The following BROX variants were observed in gnomAD, a reference collection of about 807,000 sequenced individuals.
The protein encoded by BROX is BRO1 domain-containing protein BROX.
Under a neutral mutation model 61.0 loss-of-function variants are expected in BROX, and 53 were observed. The ratio of observed to expected loss-of-function variants is 0.87; its 90% CI spans 0.70 to 1.09. The LOEUF is 1.09. Ranked by LOEUF, BROX falls within the 50% of genes least tolerant of loss-of-function variation. BROX has a pLI of 0.00. For synonymous variants in BROX, 152 were observed against 160.2 expected (o/e 0.95, Z 0.38); for missense variants, 489 against 472.0 (o/e 1.04, Z -0.33).
At position 222,732,921 on chromosome 1, in the gene BROX, C is replaced by A. The variant is rs898776376; in HGVS notation, c.*207C>A. Reference sequence around the variant, plus strand: ...TTCAGACTCTCCTTTTTAATCAGGACAACATTTGAAAGATTTTATTGTGCC... The same window carrying A: ...TTCAGACTCTCCTTTTTAATCAGGAAAACATTTGAAAGATTTTATTGTGCC... On this transcript the variant is annotated 3_prime_UTR_variant, in exon 13 of 13. Transcript: ENST00000340934. 2.6e-5 allele frequency: 14 copies of A among 529,798 alleles called. No homozygotes were observed. The highest frequency in any genetic ancestry group is 2.0e-4 in the African/African-American group (10 of 51,122). The allele number at this position is 529,798 out of a possible 1,614,324, so 32.8% of individuals were successfully genotyped here.
At chr1:222,729,947 A>T in intron 10 of BROX, 80 bp from the exon 11 acceptor site, 1 of 1,346,236 alleles carries the variant, frequency 7.4e-7, no homozygotes, top group African/African-American at 1.5e-5. Flanking sequence ...ATGTCTTATC[A>T]CCTCCAGTTT....
In BROX at chr1:222,712,842, G is replaced by A; in HGVS notation, c.-117G>A. 2 of 1,281,702 alleles carry A rather than the reference G, an allele frequency of 1.6e-6. No individual in the cohort carries two copies. The highest frequency in any genetic ancestry group is 2.0e-6 in the Non-Finnish European group (2 of 983,760). The allele number at this position is 1,281,702 out of a possible 1,614,324, so 79.4% of individuals were successfully genotyped here. A position where few individuals can be genotyped will look rare whatever the true frequency, so the allele number is the denominator to read the frequency against. On this transcript the variant is annotated 5_prime_UTR_variant, in exon 1 of 13. Transcript: ENST00000340934. ...CCTGGTTTTCCGTCACCCTGGTTCT[G>A]TAGTCTCGGTTCTCCGACTCCCTCT... is the stretch of plus-strand genomic sequence containing the variant.
chr1:222,721,910 G>A lies in BROX; in HGVS notation c.306-509G>A, dbSNP rs114732776. ...CTTTGATGGCATTGTTTCCTCACCT[G>A]GGATGTCCTTTTGCTTCCCTTCTAG... On this transcript the variant is annotated intron_variant, in intron 4 of 12. Coordinates refer to ENST00000340934, the MANE Select transcript of BROX (RefSeq NM_144695.4). Among the ~76,000 whole-genome samples the A allele has an allele frequency of 2.2e-3, 339 of 152,136 alleles. 2 individuals are homozygous for A. Among genetic ancestry groups the A allele is most frequent in the African/African-American group, 7.9e-3 (327 of 41,472 alleles).
At chr1:222,721,643 A>G (rs1184583246) in intron 4 of BROX, among the ~76,000 whole-genome samples, 1 of 152,204 alleles carries the variant, frequency 6.6e-6, no homozygotes, top group African/African-American at 2.4e-5. Flanking sequence ...TTTGCTTGAT[A>G]TGCTTTTGCC....
intron 4 of BROX, among the ~76,000 whole-genome samples, chr1:222,720,112 G>A (rs1240291544): frequency 1.3e-5 from 2 of 152,266 alleles, no homozygotes; most frequent in African/African-American, 4.8e-5. Context: ...TACATATTTA[G>A]ATGCAAGTCC....
chr1:222,732,776 C>A lies in BROX; in HGVS notation c.*62C>A. On this transcript the variant is annotated 3_prime_UTR_variant, in exon 13 of 13. Coordinates refer to ENST00000340934, the MANE Select transcript of BROX (RefSeq NM_144695.4). ...TAAGATAAACCACAGAATTTCAGTT[C>A]TTATTTCTCAAAATGATTTCTCTGA... 1.5e-6 allele frequency: 2 copies of A among 1,290,978 alleles called. No homozygotes were observed. Among genetic ancestry groups the A allele is most frequent in the Non-Finnish European group, 2.2e-6 (2 of 908,318 alleles). The allele number at this position is 1,290,978 out of a possible 1,614,324, so 80.0% of individuals were successfully genotyped here. A position where few individuals can be genotyped will look rare whatever the true frequency, so the allele number is the denominator to read the frequency against.
At chr1:222,715,328 TTGA>T (rs1656511616) in intron 1 of BROX, 1 of 153,060 alleles carries the variant, frequency 6.5e-6, no homozygotes, top group South Asian at 2.1e-4. Flanking sequence ...TATGTTAACA[TTGA>T]AGTTATTGTG....
chr1:222,714,310 C>T (rs1467499504), intron 1 of BROX, among the ~76,000 whole-genome samples: 1 of 146,382 alleles, frequency 6.8e-6, no homozygotes, highest in Non-Finnish European at 1.5e-5. Flanking sequence ...CTCCTGGGTT[C>T]TCCTGCCTCA....
chr1:222,722,659 T>G, intron 5 of BROX, 145 bp downstream of exon 5: 1 of 637,256 alleles, frequency 1.6e-6, no homozygotes, highest in Non-Finnish European at 2.7e-6. Context: ...GTGTCAGAAT[T>G]ATGGCACCTA....
chr1:222,718,735 CATTT>C (rs1656826335), intron 2 of BROX, among the ~76,000 whole-genome samples, 186 bp from the exon 3 acceptor site: 1 of 152,036 alleles, frequency 6.6e-6, no homozygotes, highest in African/African-American at 2.4e-5. Context: ...TGATTAAATT[CATTT>C]GTTAATCCCT....
At chr1:222,723,007 A>G (rs1476456349) in intron 5 of BROX, among the ~76,000 whole-genome samples, 1 of 152,230 alleles carries the variant, frequency 6.6e-6, no homozygotes, top group African/African-American at 2.4e-5. Flanking sequence ...TAATTATAAA[A>G]GGTGATACAA....
chr1:222,725,668 G>A (rs1657449802), intron 7 of BROX, 113 bp downstream of exon 7: 1 of 759,108 alleles, frequency 1.3e-6, no homozygotes, highest in African/African-American at 1.8e-5. Context: ...CCAGCACTTT[G>A]GGAGGTCTAG....
intron 12 of BROX, 125 bp from the exon 13 acceptor site, chr1:222,732,503 C>T: frequency 4.8e-6 from 3 of 630,398 alleles, no homozygotes; most frequent in Non-Finnish European, 8.2e-6. Context: ...CTGGAAATAG[C>T]TTTGTCAGTA....
rs562641505 is a variant in BROX at position 222,714,996 on chromosome 1, A to G, written c.-16-688A>G. On this transcript the variant is annotated intron_variant, in intron 1 of 12. Transcript: ENST00000340934. ...CATTTTATTGTAGAACACATGCTAT[A>G]ACCAATCCACTGTTGTCAGCAATAT... The G allele has an allele frequency of 3.9e-5, 6 of 152,364 alleles. No homozygotes were observed. In the East Asian group the frequency reaches 1.2e-3, roughly 29 times the overall value. The allele number at this position is 152,364 out of a possible 1,614,324, so 9.4% of individuals were successfully genotyped here.
Position 222,731,374 on chromosome 1 carries a change from C to A in BROX, c.1007C>A (p.Pro336Gln), listed in dbSNP as rs763092273. Residue 336 changes from proline to glutamine, a missense_variant, in exon 12 of 13, where the codon CCA (proline) becomes CAA (glutamine). Physicochemically the swap from Pro to Gln is moderately conservative, Grantham distance 76. Transcript: ENST00000340934. ...ENGFIYFQKI[P>Q]TEAPQLELKA... The stretch of plus-strand genomic sequence containing the variant: ...TTTTGCAGTTACTTTCAAAAAATTC[C>A]AACAGAAGCCCCACAGCTGGAACTC... 1.3e-6 allele frequency: 2 copies of A among 1,563,600 alleles called. No individual in the cohort carries two copies. Among genetic ancestry groups the A allele is most frequent in the South Asian group, 2.4e-5 (2 of 83,288 alleles).
rs1571951004 is a variant in BROX, at chr1:222,712,762, A to G, written c.-197A>G. ...TACCCGCCCCTGAGCTGCGCGCACT[A>G]CCGCCTCGGTAGCTATCATGGCCGC... is the stretch of plus-strand genomic sequence containing the variant. On this transcript the variant is annotated 5_prime_UTR_variant, in exon 1 of 13. Transcript: ENST00000340934. 2.3e-6 allele frequency: 3 copies of G among 1,289,612 alleles called. No homozygotes were observed. Among genetic ancestry groups the G allele is most frequent in the East Asian group, 5.5e-5 (1 of 18,036 alleles). The allele number at this position is 1,289,612 out of a possible 1,614,324, so 79.9% of individuals were successfully genotyped here.
chr1:222,732,064 G>A (rs962849838), intron 12 of BROX, among the ~76,000 whole-genome samples: 4 of 152,060 alleles, frequency 2.6e-5, no homozygotes, highest in African/African-American at 7.2e-5. Flanking sequence ...CCTTTCTTGA[G>A]ATTGAGTTGT....
chr1:222,716,338 A>T (rs1037188233), intron 2 of BROX, among the ~76,000 whole-genome samples: 2 of 152,160 alleles, frequency 1.3e-5, no homozygotes, highest in African/African-American at 2.4e-5. Context: ...ACCTCAAGTG[A>T]TCCACCTACC....
rs768446686 is a variant in BROX, at chr1:222,728,792, A to G, written c.720A>G (p.Lys240=). 2 of 1,602,894 alleles carry G rather than the reference A, an allele frequency of 1.2e-6. No individual in the cohort carries two copies. The highest frequency in any genetic ancestry group is 3.3e-5 in the Admixed American group (2 of 59,948). ...LEPAYSAKWR[K]YLHLKMCFYT... is the part of the protein sequence containing the mutation. ...CTGCATATTCTGCCAAATGGAGAAA[A>G]TATCTTCACTTGAAGATGTGTTTCT... The change falls in exon 9 of 13, where the codon AAA becomes AAG. Residue 240 remains lysine, a synonymous_variant. Transcript: ENST00000340934.
Sources: gnomAD v4.1 joint callset for allele counts (sites outside exome capture counted in the v4.1 genomes callset) on GRCh38, gnomAD v4.1.1 for gene constraint, MANE v1.5 for transcripts, NCBI Gene and HGNC (gene_info 2026-07-23, HGNC 2026-07-21) for gene names.